Variants in OR2T6 observed in about 807,000 individuals in gnomAD.
OR2T6 encodes olfactory receptor 2T6.
For missense variants in OR2T6, 424 were observed against 391.6 expected, an observed-to-expected ratio of 1.08 and a Z score of -0.70; for synonymous variants, 174 against 148.0, an observed-to-expected ratio of 1.18 and a Z score of -1.27.
intron 1 of OR2T6, among the ~76,000 whole-genome samples, chr1:248,376,917 C>A (rs959739030): frequency 6.6e-6 from 1 of 152,176 alleles, no homozygotes; most frequent in African/African-American, 2.4e-5. Flanking sequence ...TTAAAACAAA[C>A]ATCACTTTCT....
chr1:248,382,532 C>CTTTTTT (rs773197375), intron 1 of OR2T6, among the ~76,000 whole-genome samples: 7 of 117,294 alleles, frequency 6.0e-5, no homozygotes, highest in South Asian at 2.8e-4. Flanking sequence ...ACCTTTCTTT[C>CTTTTTT]TTTCTTTTTT....
chr1:248,378,742 AATC>A (rs1251353867), intron 1 of OR2T6, among the ~76,000 whole-genome samples: 1 of 152,230 alleles, frequency 6.6e-6, no homozygotes, highest in African/African-American at 2.4e-5. Context: ...TCAAATTTAT[AATC>A]ATTTTGACAA....
Position 248,387,763 on chromosome 1 carries a change from A to G in OR2T6, c.155A>G (p.Asp52Gly). The change falls in exon 3 of 3, where the codon GAC becomes GGC. Residue 52 changes from aspartate to glycine, a missense_variant. By Grantham distance (94) the Asp-to-Gly change is moderately conservative. Coordinates refer to ENST00000641644, the MANE Select transcript of OR2T6 (RefSeq NM_001005471.2). ...NGVMIFLINI[D>G]PHLHTPMYFL... ...GTCATGATCTTCCTGATTAACATAG[A>G]CCCTCATCTCCACACCCCCATGTAC... 6.2e-7 allele frequency: 1 copy of G among 1,613,314 alleles called. No individual in the cohort carries two copies. The highest frequency in any genetic ancestry group is 8.5e-7 in the Non-Finnish European group (1 of 1,179,608).
chr1:248,386,108 G>T (rs576534110), intron 2 of OR2T6, among the ~76,000 whole-genome samples: 1 of 152,320 alleles, frequency 6.6e-6, no homozygotes, highest in South Asian at 2.1e-4. Context: ...TGCCGGCTCT[G>T]TGCACTTACT....
chr1:248,384,459 T>C (rs1396822292), intron 1 of OR2T6, among the ~76,000 whole-genome samples: 4 of 58,030 alleles, frequency 6.9e-5, no homozygotes, highest in South Asian at 8.0e-4. Context: ...TCCTGAAGTG[T>C]TTCCTAATGT....
intron 2 of OR2T6, among the ~76,000 whole-genome samples, chr1:248,385,996 A>G (rs1661130630): frequency 6.6e-6 from 1 of 152,208 alleles, no homozygotes. Context: ...GCATTAGGGC[A>G]CATTGCAAAT....
intron 1 of OR2T6, among the ~76,000 whole-genome samples, chr1:248,378,489 C>T (rs1244722830): frequency 1.3e-5 from 2 of 152,200 alleles, no homozygotes; most frequent in East Asian, 1.9e-4. Flanking sequence ...ATAAACTCTA[C>T]CTTTCCCAGT....
At chr1:248,381,789 T>C (rs1661038027) in intron 1 of OR2T6, among the ~76,000 whole-genome samples, 1 of 152,114 alleles carries the variant, frequency 6.6e-6, no homozygotes, top group African/African-American at 2.4e-5. Context: ...GTTAGTAATA[T>C]TACAGTTTCT....
At position 248,387,698 on chromosome 1, in the gene OR2T6, C is replaced by G; in HGVS notation, c.90C>G (p.Val30=). The G allele has an allele frequency of 6.2e-7, 1 of 1,613,756 alleles. No homozygotes were observed. Among genetic ancestry groups the G allele is most frequent in the Non-Finnish European group, 8.5e-7 (1 of 1,179,762 alleles). ...AATGCTCAGGATTCTTTTTCGGTGT[C>G]ATTTGTGCCGTCTTCTTCATGGCCA... ...HNKCSGFFFG[V]ICAVFFMAMI... Residue 30 remains valine (V), a synonymous_variant, in exon 3 of 3, where the codon GTC becomes GTG. Coordinates refer to ENST00000641644, the MANE Select transcript of OR2T6 (RefSeq NM_001005471.2).
chr1:248,391,615 T>C lies in OR2T6; in HGVS notation c.*3080T>C, dbSNP rs1294955459. On this transcript the variant is annotated 3_prime_UTR_variant, in exon 3 of 3. Coordinates refer to ENST00000641644, the MANE Select transcript of OR2T6 (RefSeq NM_001005471.2). Reference sequence around the variant, plus strand: ...TCTGGAACAGAAAGACTCATCCTTATGTAAAATATGAACTATTAATAATAA... The same window carrying C: ...TCTGGAACAGAAAGACTCATCCTTACGTAAAATATGAACTATTAATAATAA... 1 of 152,212 alleles carries C rather than the reference T, an allele frequency of 6.6e-6. No homozygotes were observed. The highest frequency in any genetic ancestry group is 1.9e-4 in the East Asian group (1 of 5,202). 9.4% of individuals were successfully genotyped at this position (152,212 alleles called of 1,614,324 possible). A position where few individuals can be genotyped will look rare whatever the true frequency, so the allele number is the denominator to read the frequency against.
At chr1:248,384,610 A>C (rs1045254015) in intron 1 of OR2T6, 101 bp from the exon 2 acceptor site, 1 of 58,040 alleles carries the variant, frequency 1.7e-5, no homozygotes, top group African/African-American at 7.7e-5. Context: ...TAGTGTTATC[A>C]TCATGGAGAA....
In OR2T6 at chr1:248,388,610, C is replaced by T. The variant is rs770636861; in HGVS notation, c.*75C>T. 23 of 1,128,328 alleles carry T rather than the reference C, an allele frequency of 2.0e-5. No homozygotes were observed. The highest frequency in any genetic ancestry group is 4.7e-5 in the African/African-American group (3 of 64,328). 69.9% of individuals were successfully genotyped at this position (1,128,328 alleles called of 1,614,324 possible). On this transcript the variant is annotated 3_prime_UTR_variant, in exon 3 of 3. Coordinates refer to ENST00000641644, the MANE Select transcript of OR2T6 (RefSeq NM_001005471.2). ...CATCCTGTTCAGGCATATATGGGGT[C>T]GTATCATGGATACCACGGATGATGC...
intron 1 of OR2T6, among the ~76,000 whole-genome samples, chr1:248,382,872 G>A (rs1166195630): frequency 6.6e-6 from 1 of 152,162 alleles, no homozygotes; most frequent in South Asian, 2.1e-4. Context: ...GCATCCTGGA[G>A]AGCTACTCAA....
intron 2 of OR2T6, among the ~76,000 whole-genome samples, chr1:248,386,485 AGC>A (rs1416658140): frequency 3.3e-5 from 5 of 152,182 alleles, no homozygotes; most frequent in African/African-American, 1.2e-4. Context: ...TACAACACTA[AGC>A]AAAAACAAAA....
chr1:248,387,780 C>G lies in OR2T6; in HGVS notation c.172C>G (p.Pro58Ala), dbSNP rs775649803. ...TAACATAGACCCTCATCTCCACACC[C>G]CCATGTACTTCCTCCTCAGCCACCT... ...LINIDPHLHT[P>A]MYFLLSHLSV... The change falls in exon 3 of 3, where the codon CCC becomes GCC. Residue 58 changes from proline to alanine, a missense_variant. Transcript: ENST00000641644. The G allele has an allele frequency of 6.2e-7, 1 of 1,612,224 alleles. No homozygotes were observed. The highest frequency in any genetic ancestry group is 2.2e-5 in the East Asian group (1 of 44,756).
rs952406698 is a variant in OR2T6, at chr1:248,390,660, A to G, written c.*2125A>G. The G allele has an allele frequency of 6.6e-6, 1 of 152,174 alleles. No homozygotes were observed. Among genetic ancestry groups the G allele is most frequent in the Non-Finnish European group, 1.5e-5 (1 of 68,030 alleles). 9.4% of individuals were successfully genotyped at this position (152,174 alleles called of 1,614,324 possible). Reference sequence around the variant, plus strand: ...GGCTCAACATCTCCTCAATCTTGTCAGACTGTCTTGGACAACAGTATGTGC... The same window carrying G: ...GGCTCAACATCTCCTCAATCTTGTCGGACTGTCTTGGACAACAGTATGTGC... On this transcript the variant is annotated 3_prime_UTR_variant, in exon 3 of 3. Coordinates refer to ENST00000641644, the MANE Select transcript of OR2T6 (RefSeq NM_001005471.2).
intron 1 of OR2T6, among the ~76,000 whole-genome samples, chr1:248,377,916 G>A (rs1298121742): frequency 6.6e-6 from 1 of 152,092 alleles, no homozygotes; most frequent in African/African-American, 2.4e-5. Context: ...AACAGGCAGT[G>A]CTATGTTTCC....
chr1:248,380,123 A>T (rs1223011670), intron 1 of OR2T6, among the ~76,000 whole-genome samples: 4 of 151,982 alleles, frequency 2.6e-5, no homozygotes, highest in African/African-American at 9.7e-5. Flanking sequence ...ATATATGCAT[A>T]TTAAGAATTT....
At chr1:248,376,711 T>A (rs1485571524) in intron 1 of OR2T6, among the ~76,000 whole-genome samples, 2 of 152,192 alleles carry the variant, frequency 1.3e-5, no homozygotes, top group East Asian at 3.8e-4. Context: ...GTTTGTTAGC[T>A]GGTAATATTT....
Sources: gnomAD v4.1 joint callset for allele counts (sites outside exome capture counted in the v4.1 genomes callset) on GRCh38, gnomAD v4.1.1 for gene constraint, MANE v1.5 for transcripts, NCBI Gene and HGNC (gene_info 2026-07-23, HGNC 2026-07-21) for gene names.